Variants in PCDH7 observed in about 807,000 individuals in gnomAD.
The protein encoded by PCDH7 is protocadherin 7.
In PCDH7, 17 loss-of-function variants were observed where a neutral mutation model predicts 58.9. That is an observed-to-expected ratio of 0.29 (90% CI 0.20 to 0.43). PCDH7 has a LOEUF of 0.43. PCDH7 is among the 20% of genes least tolerant of loss of function. The pLI is 1.00. For missense variants in PCDH7, 1,274 were observed against 1,441.0 expected (o/e 0.88, Z 1.88); for synonymous variants, 664 against 616.4 (o/e 1.08, Z -1.14).
At chr4:31,067,356 G>A (rs572335915) in intron 3 of PCDH7, among the ~76,000 whole-genome samples, 26 of 143,008 alleles carry the variant, frequency 1.8e-4, no homozygotes, top group African/African-American at 5.8e-4. Flanking sequence ...CTACATCAGG[G>A]GAATTTCATC....
chr4:31,076,027 AT>A (rs1369727898), intron 3 of PCDH7, among the ~76,000 whole-genome samples: 1 of 152,206 alleles, frequency 6.6e-6, no homozygotes, highest in Non-Finnish European at 1.5e-5. Flanking sequence ...TCTCTAAAAT[AT>A]CCTTGGGGTT....
intron 1 of PCDH7, among the ~76,000 whole-genome samples, chr4:30,836,703 G>A (rs972419834): frequency 6.6e-6 from 1 of 151,906 alleles, no homozygotes; most frequent in African/African-American, 2.4e-5. Flanking sequence ...AAAACCTGTA[G>A]CCTGGAGGTT....
At chr4:31,064,653 C>T (rs1215000189) in intron 3 of PCDH7, among the ~76,000 whole-genome samples, 2 of 151,858 alleles carry the variant, frequency 1.3e-5, no homozygotes, top group Admixed American at 6.6e-5. Flanking sequence ...TGTTTCTGTC[C>T]TCACGTGATG....
chr4:31,089,425 T>G (rs960828519), intron 3 of PCDH7, among the ~76,000 whole-genome samples: 5 of 152,090 alleles, frequency 3.3e-5, no homozygotes, highest in Admixed American at 6.6e-5. Flanking sequence ...ATTTTTTTCT[T>G]ATTTTTTTAA....
chr4:30,933,077 A>G (rs1313945892), intron 2 of PCDH7, among the ~76,000 whole-genome samples: 5 of 150,650 alleles, frequency 3.3e-5, no homozygotes, highest in Non-Finnish European at 7.4e-5. Context: ...GCCAGGCTGG[A>G]GTGCAGTGGC....
intron 3 of PCDH7, among the ~76,000 whole-genome samples, chr4:31,099,027 A>G (rs1038057689): frequency 2.6e-5 from 4 of 152,124 alleles, no homozygotes; most frequent in African/African-American, 9.7e-5. Context: ...ATCTCATTTT[A>G]CCTTAATCAC....
At chr4:30,824,097 TTCTTTCTTTCTTTCTTTC>T (rs1201338379) in intron 1 of PCDH7, among the ~76,000 whole-genome samples, 3 of 112,932 alleles carry the variant, frequency 2.7e-5, no homozygotes, top group African/African-American at 1.0e-4. Context: ...CTTTCTTTCT[TTCTTTCTTTCTTTCTTTC>T]TTTCTTTCTT....
chr4:31,010,545 C>T (rs1269377383), intron 3 of PCDH7, among the ~76,000 whole-genome samples: 3 of 151,872 alleles, frequency 2.0e-5, no homozygotes, highest in Non-Finnish European at 4.4e-5. Flanking sequence ...GAGTTGATGC[C>T]ATGAGTTAGA....
At chr4:31,142,227 C>G (rs572285009) in intron 3 of PCDH7, among the ~76,000 whole-genome samples, 2 of 152,282 alleles carry the variant, frequency 1.3e-5, no homozygotes, top group Non-Finnish European at 2.9e-5. Flanking sequence ...TCTGTTTCAT[C>G]TACACACTTA....
In PCDH7 at chr4:30,723,608, C is replaced by T. The variant is rs139542382; in HGVS notation, c.2186C>T (p.Ser729Leu). The change falls in exon 1 of 2, where the codon TCG (serine) becomes TTG (leucine). Residue 729 changes from serine (S) to leucine (L), a missense_variant. This residue lies in a region of PCDH7 where 731 missense variants were observed against 881.9 expected (regional missense o/e 0.83). Coordinates refer to ENST00000361762, the Ensembl canonical transcript of PCDH7. This position sits in a 1 kb window ranked among gnomAD's most constrained non-coding sequence, Gnocchi z 4.6. ...CCCAGATCTGCCACAGCTACAGTCT[C>T]GCTTTTTGTGATGGATGAAAATGAC... 1.9e-6 allele frequency: 3 copies of T among 1,614,088 alleles called. No homozygotes were observed. The highest frequency in any genetic ancestry group is 3.3e-5 in the Admixed American group (2 of 60,006).
At chr4:30,972,203 A>G (rs1224136307) in intron 3 of PCDH7, among the ~76,000 whole-genome samples, 1 of 152,126 alleles carries the variant, frequency 6.6e-6, no homozygotes, top group Non-Finnish European at 1.5e-5. Flanking sequence ...GAGTGCTCCA[A>G]TTTTTCTTAA....
chr4:30,857,048 T>C (rs759219514), intron 1 of PCDH7, among the ~76,000 whole-genome samples: 32 of 152,066 alleles, frequency 2.1e-4, no homozygotes, highest in South Asian at 2.1e-3. Flanking sequence ...TTAAATACAT[T>C]CTGAAATTAG....
chr4:30,819,897 A>G (rs1728164682), intron 1 of PCDH7, among the ~76,000 whole-genome samples: 1 of 152,118 alleles, frequency 6.6e-6, no homozygotes, highest in Admixed American at 6.6e-5. Flanking sequence ...ACAAGTTCTG[A>G]ATAAATCCTA....
intron 3 of PCDH7, among the ~76,000 whole-genome samples, chr4:31,015,807 A>G (rs970452516): frequency 5.9e-5 from 9 of 152,226 alleles, no homozygotes; most frequent in African/African-American, 2.2e-4. Flanking sequence ...CCTTATTCAT[A>G]GGAGAATCTT....
chr4:30,909,841 G>A (rs1741490757), intron 1 of PCDH7, among the ~76,000 whole-genome samples: 1 of 151,972 alleles, frequency 6.6e-6, no homozygotes, highest in Non-Finnish European at 1.5e-5. Context: ...ATTTCATTCG[G>A]AGCCAAAAAA....
At chr4:30,736,355 A>G (rs955574921), downstream of PCDH7, among the ~76,000 whole-genome samples, 2 of 152,116 alleles carry the variant, frequency 1.3e-5, no homozygotes, top group Non-Finnish European at 2.9e-5. Flanking sequence ...TTTACCTGTA[A>G]TCTTTTAGCA....
downstream of PCDH7, chr4:31,145,972 G>C (rs1292599171): frequency 6.6e-6 from 1 of 151,982 alleles, no homozygotes; most frequent in Non-Finnish European, 1.5e-5. Flanking sequence ...TATACATTAG[G>C]ACACATTTAT....
chr4:30,971,389 T>C (rs1428583634), intron 3 of PCDH7, among the ~76,000 whole-genome samples: 6 of 152,166 alleles, frequency 3.9e-5, no homozygotes, highest in Non-Finnish European at 5.9e-5. Context: ...CTGCTGTGTG[T>C]TTATGTAAAT....
chr4:30,987,558 C>T (rs1751088354), intron 3 of PCDH7: 1 of 151,896 alleles, frequency 6.6e-6, no homozygotes, highest in South Asian at 2.1e-4. Flanking sequence ...TTTTTCTCAC[C>T]TGTATTCTCT....
Sources: gnomAD v4.1 joint callset for allele counts (sites outside exome capture counted in the v4.1 genomes callset) on GRCh38, gnomAD v4.1.1 for gene constraint, gnomAD v4.1.1 regional missense constraint, Gnocchi (gnomAD v3.1) non-coding constraint, MANE v1.5 for transcripts, NCBI Gene and HGNC (gene_info 2026-07-23, HGNC 2026-07-21) for gene names.